MYO18B: variants seen among roughly 807,000 people sequenced by gnomAD.
The protein encoded by MYO18B is myosin XVIIIB, also known as unconventional myosin-XVIIIb.
A neutral mutation model predicts 273.0 loss-of-function variants in MYO18B; 204 were observed. The ratio of observed to expected loss-of-function variants is 0.75; its 90% CI spans 0.67 to 0.84. The LOEUF (loss-of-function observed/expected upper bound fraction) is 0.84. Among genes scored for constraint, MYO18B ranks in the 40% least tolerant of loss-of-function variants. The pLI is 0.00. For synonymous variants in MYO18B, 1,330 were observed against 1,305.7 expected (o/e 1.02, Z -0.40); for missense variants, 3,212 against 3,287.6 (o/e 0.98, Z 0.56).
chr22:25,876,079 G>C lies in MYO18B; in HGVS notation c.4081-110G>C, dbSNP rs998632909. On this transcript the variant is annotated intron_variant, in intron 23 of 43. Transcript: ENST00000335473. ...TAAGGTATCCAGTCCCTTCCACCGG[G>C]AAATAACCCCACTTCCTCCAGCCCC... is the stretch of plus-strand genomic sequence containing the variant. The C allele has an allele frequency of 2.9e-6, 3 of 1,021,364 alleles. No individual in the cohort carries two copies. In the African/African-American group the frequency reaches 4.9e-5, roughly 17 times the overall value. The allele number at this position is 1,021,364 out of a possible 1,614,324, so 63.3% of individuals were successfully genotyped here.
intron 12 of MYO18B, among the ~76,000 whole-genome samples, chr22:25,800,255 G>T (rs2088133499): frequency 6.6e-6 from 1 of 151,952 alleles, no homozygotes; most frequent in Non-Finnish European, 1.5e-5. Flanking sequence ...AGGGGGGTTG[G>T]GTATACTAAA....
intron 33 of MYO18B, among the ~76,000 whole-genome samples, chr22:25,915,535 C>A (rs13053377): frequency 0.013 from 1,964 of 152,186 alleles, 16 homozygotes; most frequent in East Asian, 0.032. Flanking sequence ...TATATACAAT[C>A]CATCATTGAT....
chr22:25,991,476 G>A (rs896073840), intron 39 of MYO18B, among the ~76,000 whole-genome samples: 3 of 152,186 alleles, frequency 2.0e-5, no homozygotes, highest in Non-Finnish European at 2.9e-5. Flanking sequence ...CCCCTGGGGG[G>A]CAAAATCACT....
intron 42 of MYO18B, among the ~76,000 whole-genome samples, chr22:26,017,977 T>G (rs1281815461): frequency 2.0e-5 from 3 of 149,074 alleles, no homozygotes; most frequent in Non-Finnish European, 3.0e-5. Context: ...GTTTTTTTTT[T>G]TTTTTTTTTT....
chr22:26,046,485 C>G, the MYO18B span, among the ~76,000 whole-genome samples: 1 of 152,196 alleles, frequency 6.6e-6, no homozygotes, highest in African/African-American at 2.4e-5. Context: ...CTCCATTTTG[C>G]TTCCTTTATC....
Position 25,898,313 on chromosome 22 carries a change from G to A in MYO18B, c.4675G>A (p.Glu1559Lys), listed in dbSNP as rs372142637. The A allele has an allele frequency of 1.9e-6, 3 of 1,613,216 alleles. No homozygotes were observed. The highest frequency in any genetic ancestry group is 2.7e-5 in the African/African-American group (2 of 74,894). The change falls in exon 29 of 44, where the codon GAG (glutamate) becomes AAG (lysine). Residue 1559 changes from glutamate to lysine, a missense_variant. Transcript: ENST00000335473. ...CATTCTATTACTCTTACAGCTTGGG[G>A]AGTTGCAAAGTGCTTATGACGGGGC... is the stretch of plus-strand genomic sequence containing the variant. ...ARKELEQKLG[E>K]LQSAYDGAKK...
intron 37 of MYO18B, among the ~76,000 whole-genome samples, chr22:25,951,570 C>T (rs143199002): frequency 3.9e-5 from 6 of 152,330 alleles, no homozygotes; most frequent in Non-Finnish European, 8.8e-5. Context: ...CGATCCTCTG[C>T]GAAATCTTCC....
chr22:26,018,721 G>A (rs1042715479), intron 42 of MYO18B, among the ~76,000 whole-genome samples: 1 of 152,204 alleles, frequency 6.6e-6, no homozygotes, highest in Non-Finnish European at 1.5e-5. Context: ...GGGAGGCTGA[G>A]GTGGGTGGAT....
At chr22:25,999,066 T>C (rs1933647853) in intron 40 of MYO18B, among the ~76,000 whole-genome samples, 1 of 152,218 alleles carries the variant, frequency 6.6e-6, no homozygotes, top group African/African-American at 2.4e-5. Context: ...CTGTTTGGCA[T>C]ATGTTATCCT....
chr22:25,938,613 A>G (rs2092608227), intron 34 of MYO18B, among the ~76,000 whole-genome samples: 1 of 152,236 alleles, frequency 6.6e-6, no homozygotes, highest in South Asian at 2.1e-4. Context: ...GTGGCCACGC[A>G]GTGCGTAATG....
In MYO18B at chr22:26,025,464, C is replaced by T. The variant is rs368848108; in HGVS notation, c.6471-981C>T. Among the ~76,000 whole-genome samples, 5 of 152,308 alleles carry T rather than the reference C, an allele frequency of 3.3e-5. No homozygotes were observed. In the East Asian group the frequency reaches 7.7e-4, roughly 24 times the overall value. On this transcript the variant is annotated intron_variant, in intron 42 of 43. Transcript: ENST00000335473. ...GTCCTGATTGTTACAGTTCCAGCAA[C>T]AAAGCACTCAGAGGCAGGGACCCCA...
At position 25,780,148 on chromosome 22, in the gene MYO18B, A is replaced by G. The variant is rs1306798910; in HGVS notation, c.2161A>G (p.Met721Val). 6 of 1,606,768 alleles carry G rather than the reference A, an allele frequency of 3.7e-6. No homozygotes were observed. Among genetic ancestry groups the G allele is most frequent in the Non-Finnish European group, 3.4e-6 (4 of 1,177,602 alleles). ...CAGTGCCACCCGGTTCTCCATGGTG[A>G]TGTCGCTGGACTTCAACGCTACAGG... ...SRSATRFSMVMSLDFNATGRI... is the reference protein window; with the variant it reads ...SRSATRFSMVVSLDFNATGRI... The change falls in exon 9 of 44, where the codon ATG becomes GTG. Residue 721 changes from methionine (M) to valine (V), a missense_variant. By Grantham distance (21) the Met-to-Val change is conservative. Coordinates refer to ENST00000335473, the MANE Select transcript of MYO18B (RefSeq NM_032608.7).
At chr22:26,056,077 T>C in the MYO18B span, among the ~76,000 whole-genome samples, 1 of 152,228 alleles carries the variant, frequency 6.6e-6, no homozygotes, top group African/African-American at 2.4e-5. Context: ...TAAAGAAAGA[T>C]TAATTGACCA....
At chr22:25,973,204 C>T (rs922842360) in intron 39 of MYO18B, among the ~76,000 whole-genome samples, 7 of 152,186 alleles carry the variant, frequency 4.6e-5, no homozygotes, top group Admixed American at 2.0e-4. Context: ...TACTAATTGC[C>T]GAGTGAACCC....
At chr22:25,871,743 C>T (rs1017591639) in intron 22 of MYO18B, among the ~76,000 whole-genome samples, 9 of 152,186 alleles carry the variant, frequency 5.9e-5, no homozygotes, top group South Asian at 2.1e-4. Flanking sequence ...TGTGATTCCA[C>T]GTGCAGTCGG....
At chr22:25,962,273 A>C (rs2092926113) in intron 39 of MYO18B, among the ~76,000 whole-genome samples, 1 of 151,920 alleles carries the variant, frequency 6.6e-6, no homozygotes, top group African/African-American at 2.4e-5. Context: ...CCCTGTGCCC[A>C]CCCCATCAAT....
chr22:25,797,929 C>T (rs773990040), intron 11 of MYO18B, 24 bp from the exon 12 acceptor site: 9 of 1,613,996 alleles, frequency 5.6e-6, no homozygotes, highest in Admixed American at 5.0e-5. Flanking sequence ...GCCTTGTTTT[C>T]TTCCTCTCTC....
Position 26,027,522 on chromosome 22 carries a change from G to T in MYO18B, c.7548G>T (p.Val2516=), listed in dbSNP as rs751038862. The change falls in exon 43 of 44, where the codon GTG becomes GTT. Residue 2516 remains valine (V), a synonymous_variant. Transcript: ENST00000335473. This position sits in a 1 kb window ranked among gnomAD's most constrained non-coding sequence, Gnocchi z 4.1. ...CGTCCTCATCCTCCGGCTCCATCGT[G>T]TCCTTCAAAAGTGCTGACAGCATCA... ...SDSSSSSGSI[V]SFKSADSIKS... The T allele has an allele frequency of 8.7e-6, 14 of 1,613,972 alleles. No individual in the cohort carries two copies. Among genetic ancestry groups the T allele is most frequent in the Non-Finnish European group, 1.2e-5 (14 of 1,179,896 alleles).
rs367683738 is a variant in MYO18B at position 25,863,186 on chromosome 22, G to A, written c.3886-5134G>A. The stretch of plus-strand genomic sequence containing the variant: ...ATCTTTTAAAAATAATTTCTATCTT[G>A]TTATTGACATTTTTTATTTAAGGAG... On this transcript the variant is annotated intron_variant, in intron 21 of 43. Transcript: ENST00000335473. 2.1e-3 allele frequency among the ~76,000 whole-genome samples: 326 copies of A among 152,126 alleles called. 18 individuals are homozygous for A. In the South Asian group the frequency reaches 0.066, roughly 31 times the overall value.
Sources: gnomAD v4.1 joint callset for allele counts (sites outside exome capture counted in the v4.1 genomes callset) on GRCh38, gnomAD v4.1.1 for gene constraint, Gnocchi (gnomAD v3.1) non-coding constraint, MANE v1.5 for transcripts, NCBI Gene and HGNC (gene_info 2026-07-23, HGNC 2026-07-21) for gene names.